The following RIN3 variants were observed in gnomAD, a reference collection of about 807,000 sequenced individuals.
RIN3 encodes RAB5 interacting protein 3.
Under a neutral mutation model 76.3 loss-of-function variants are expected in RIN3, and 54 were observed. The observed-to-expected ratio is 0.71, with a 90% confidence interval of 0.57 to 0.89. The LOEUF is 0.89. RIN3 is among the 40% of genes least tolerant of loss of function. The probability of loss-of-function intolerance (pLI) is 0.00; values close to 1 mark genes in which losing one functional copy is unlikely to be tolerated. For synonymous variants in RIN3, 576 were observed against 564.0 expected (o/e 1.02, Z -0.30); for missense variants, 1,256 against 1,322.1 (o/e 0.95, Z 0.78).
intron 4 of RIN3, among the ~76,000 whole-genome samples, chr14:92,639,477 G>T (rs899812426): frequency 6.6e-6 from 1 of 152,230 alleles, no homozygotes; most frequent in Admixed American, 6.5e-5. Flanking sequence ...AACAGGGCAG[G>T]TGGGATAATG....
intron 4 of RIN3, among the ~76,000 whole-genome samples, chr14:92,626,766 A>G (rs1219427322): frequency 6.6e-6 from 1 of 151,934 alleles, no homozygotes; most frequent in Non-Finnish European, 1.5e-5. Flanking sequence ...TTAAATGGGG[A>G]AAGGTGGTTT....
Position 92,672,482 on chromosome 14 carries a change from TCACACC to T in RIN3, c.2336-3992_2336-3987del, listed in dbSNP as rs1471056017. Among the ~76,000 whole-genome samples the T allele has an allele frequency of 6.6e-5, 10 of 152,314 alleles. 1 individual carries two copies. Among genetic ancestry groups the T allele is most frequent in the African/African-American group, 2.4e-4 (10 of 41,562 alleles). The stretch of plus-strand genomic sequence containing the variant: ...GAAAGCAACCACTAGTCTCTGTTAC[TCACACC>T]AGGCTAGAACAGACTGCGCAGGCAA... On this transcript the variant is annotated intron_variant, in intron 7 of 9. Coordinates refer to ENST00000216487, the MANE Select transcript of RIN3 (RefSeq NM_024832.5).
intron 1 of RIN3, among the ~76,000 whole-genome samples, chr14:92,541,238 A>G (rs1209723875): frequency 6.6e-6 from 1 of 152,302 alleles, no homozygotes; most frequent in African/African-American, 2.4e-5. Flanking sequence ...ATCTCCATTC[A>G]TCTCCACAAT....
At chr14:92,610,562 G>A (rs1885696278) in intron 3 of RIN3, among the ~76,000 whole-genome samples, 1 of 152,098 alleles carries the variant, frequency 6.6e-6, no homozygotes, top group Non-Finnish European at 1.5e-5. Flanking sequence ...ACACATGGGC[G>A]GCATTTCCCT....
chr14:92,641,721 T>C (rs888243769), intron 5 of RIN3, among the ~76,000 whole-genome samples: 1 of 152,164 alleles, frequency 6.6e-6, no homozygotes, highest in African/African-American at 2.4e-5. Flanking sequence ...AATGTGACCA[T>C]GAACTTGAGT....
intron 3 of RIN3, among the ~76,000 whole-genome samples, chr14:92,600,790 C>A (rs1281129080): frequency 6.6e-6 from 1 of 152,228 alleles, no homozygotes; most frequent in Non-Finnish European, 1.5e-5. Context: ...CCGGGTCATT[C>A]CTTGTCGTGT....
At chr14:92,578,512 G>T (rs1351211427) in intron 3 of RIN3, among the ~76,000 whole-genome samples, 1 of 152,206 alleles carries the variant, frequency 6.6e-6, no homozygotes, top group Admixed American at 6.5e-5. Flanking sequence ...GACGGGAATT[G>T]CAACAGAGAA....
intron 1 of RIN3, among the ~76,000 whole-genome samples, chr14:92,523,092 T>A (rs1223978891): frequency 2.6e-5 from 4 of 152,184 alleles, no homozygotes; most frequent in Non-Finnish European, 4.4e-5. Flanking sequence ...GAGGAATACA[T>A]ACTATCTTGT....
intron 4 of RIN3, among the ~76,000 whole-genome samples, chr14:92,632,440 G>A (rs990939717): frequency 5.3e-5 from 8 of 152,194 alleles, no homozygotes; most frequent in Non-Finnish European, 1.2e-4. Flanking sequence ...CCAGGGCTGT[G>A]CTGAGGATCA....
In RIN3 at chr14:92,651,993, C is replaced by G; in HGVS notation, c.944C>G (p.Pro315Arg). 6.5e-7 allele frequency: 1 copy of G among 1,535,084 alleles called. No individual in the cohort carries two copies. Among genetic ancestry groups the G allele is most frequent in the Non-Finnish European group, 8.9e-7 (1 of 1,126,232 alleles). Residue 315 changes from proline (P) to arginine (R), a missense_variant, in exon 6 of 10, where the codon CCC becomes CGC. By Grantham distance (103) the Pro-to-Arg change is moderately radical. Around this residue, in one of 3 missense-constraint regions of RIN3, gnomAD observed 610 missense variants for 626.4 expected, o/e 0.97. Coordinates refer to ENST00000216487, the MANE Select transcript of RIN3 (RefSeq NM_024832.5). ...PAPACPLPTS[P>R]PVPAPHVTPH... is the part of the protein sequence containing the mutation. ...CCTGCCTGTCCTTTGCCCACCTCTC[C>G]CCCAGTGCCTGCCCCCCACGTCACA...
rs777812803 is a variant in RIN3, at chr14:92,615,421, G to T, written c.382G>T (p.Gly128Cys). The T allele has an allele frequency of 2.7e-5, 44 of 1,614,038 alleles. No homozygotes were observed. The highest frequency in any genetic ancestry group is 7.6e-6 in the Non-Finnish European group (9 of 1,180,024). ...KEEKSILYLE[G>C]SALVFEDIFR... ...TGTCTCCCCAGTATTGTACCTGGAA[G>T]GCTCGGCTCTTGTGTTTGAGGACAT... is the stretch of plus-strand genomic sequence containing the variant. Residue 128 changes from glycine to cysteine, a missense_variant, in exon 4 of 10, where the codon GGC becomes TGC. Physicochemically the swap from Gly to Cys is radical, Grantham distance 159. Around this residue, in one of 3 missense-constraint regions of RIN3, gnomAD observed 610 missense variants for 626.4 expected, o/e 0.97. Coordinates refer to ENST00000216487, the MANE Select transcript of RIN3 (RefSeq NM_024832.5).
In RIN3 at chr14:92,615,388, C is replaced by A; in HGVS notation, c.368-19C>A. On this transcript the variant is annotated intron_variant, in intron 3 of 9. Coordinates refer to ENST00000216487, the MANE Select transcript of RIN3 (RefSeq NM_024832.5). ...GCAGGATACTCACCTCACCCAGGGC[C>A]CTTCTTGTGTCTCCCCAGTATTGTA... 1 of 1,612,136 alleles carries A rather than the reference C, an allele frequency of 6.2e-7. No individual in the cohort carries two copies. Among genetic ancestry groups the A allele is most frequent in the Non-Finnish European group, 8.5e-7 (1 of 1,178,266 alleles).
intron 1 of RIN3, among the ~76,000 whole-genome samples, chr14:92,550,349 G>A (rs1359781799): frequency 6.6e-6 from 1 of 152,188 alleles, no homozygotes; most frequent in African/African-American, 2.4e-5. Context: ...AATTTTCCCA[G>A]TAACCCTCTT....
chr14:92,598,494 G>A (rs1016066676), intron 3 of RIN3, among the ~76,000 whole-genome samples: 1 of 152,226 alleles, frequency 6.6e-6, no homozygotes, highest in African/African-American at 2.4e-5. Context: ...TTTTGCAAAT[G>A]ATTTGTTACA....
intron 1 of RIN3, among the ~76,000 whole-genome samples, chr14:92,553,750 C>T (rs1172730992): frequency 1.3e-5 from 2 of 152,150 alleles, no homozygotes; most frequent in East Asian, 1.9e-4. Flanking sequence ...AGACTTCACA[C>T]TGACCTTGAC....
chr14:92,544,756 ACAT>A (rs1897217502), intron 1 of RIN3, among the ~76,000 whole-genome samples: 1 of 152,170 alleles, frequency 6.6e-6, no homozygotes, highest in Non-Finnish European at 1.5e-5. Flanking sequence ...CTAGAGAACA[ACAT>A]TGCAATGCCC....
Position 92,652,179 on chromosome 14 carries a change from C to T in RIN3, c.1130C>T (p.Pro377Leu). 1 of 1,604,514 alleles carries T rather than the reference C, an allele frequency of 6.2e-7. No homozygotes were observed. The highest frequency in any genetic ancestry group is 8.5e-7 in the Non-Finnish European group (1 of 1,174,002). ...CAGCAGGTCCCCGCCCCGCCACTGC[C>T]TGCGAAGAAGAACCTTCCCACTGCC... ...PLQQVPAPPL[P>L]AKKNLPTAPP... Residue 377 changes from proline to leucine, a missense_variant, in exon 6 of 10, where the codon CCT becomes CTT. Pro to Leu is a moderately conservative substitution (Grantham distance 98). Coordinates refer to ENST00000216487, the MANE Select transcript of RIN3 (RefSeq NM_024832.5). The surrounding 1 kb of genome is among the most constrained non-coding windows in gnomAD (Gnocchi z 6.4).
chr14:92,520,621 G>A (rs1272847291), intron 1 of RIN3, among the ~76,000 whole-genome samples: 2 of 152,256 alleles, frequency 1.3e-5, no homozygotes, highest in African/African-American at 4.8e-5. Context: ...GGGGTGGACA[G>A]AGGGCACCCC....
chr14:92,560,526 T>A (rs979313660), intron 2 of RIN3, among the ~76,000 whole-genome samples: 1 of 152,198 alleles, frequency 6.6e-6, no homozygotes, highest in Non-Finnish European at 1.5e-5. Flanking sequence ...CTCAGCGATT[T>A]CTGTCAGGTA....
Sources: gnomAD v4.1 joint callset for allele counts (sites outside exome capture counted in the v4.1 genomes callset) on GRCh38, gnomAD v4.1.1 for gene constraint, gnomAD v4.1.1 regional missense constraint, Gnocchi (gnomAD v3.1) non-coding constraint, MANE v1.5 for transcripts, NCBI Gene and HGNC (gene_info 2026-07-23, HGNC 2026-07-21) for gene names.